The following LRRC7 variants were observed in gnomAD, a reference collection of about 807,000 sequenced individuals.
LRRC7 encodes the protein leucine-rich repeat-containing protein 7.
Under a neutral mutation model 175.7 loss-of-function variants are expected in LRRC7, and 23 were observed. The ratio of observed to expected loss-of-function variants is 0.13; its 90% CI spans 0.09 to 0.19. LRRC7 has a LOEUF of 0.19. Among genes scored for constraint, LRRC7 ranks in the 10% least tolerant of loss-of-function variants. The pLI, the probability that LRRC7 is intolerant of heterozygous loss-of-function variation, is 1.00. For synonymous variants in LRRC7, 685 were observed against 680.9 expected (o/e 1.01, Z -0.09); for missense variants, 1,354 against 1,904.7 (o/e 0.71, Z 5.38).
At chr1:69,810,240 G>T (rs965013888) in intron 4 of LRRC7, among the ~76,000 whole-genome samples, 1 of 152,084 alleles carries the variant, frequency 6.6e-6, no homozygotes, top group African/African-American at 2.4e-5. Context: ...TCTTCAAGGA[G>T]AACTACAAAC....
At chr1:69,614,837 A>C (rs1288290853) in intron 1 of LRRC7, among the ~76,000 whole-genome samples, 2 of 152,076 alleles carry the variant, frequency 1.3e-5, no homozygotes, top group Admixed American at 6.6e-5. Flanking sequence ...GACTGACTAG[A>C]AATAATTTGC....
intron 4 of LRRC7, among the ~76,000 whole-genome samples, chr1:69,824,944 T>C (rs1679735583): frequency 6.6e-6 from 1 of 152,226 alleles, no homozygotes; most frequent in South Asian, 2.1e-4. Flanking sequence ...TTGATCCATT[T>C]CTGTCAATTG....
chr1:70,039,826 T>C, intron 21 of LRRC7, 33 bp downstream of exon 21: 1 of 1,536,174 alleles, frequency 6.5e-7, no homozygotes, highest in East Asian at 2.3e-5. Flanking sequence ...AGAATATCCC[T>C]CCTGCCTTTA....
intron 8 of LRRC7, among the ~76,000 whole-genome samples, chr1:69,973,301 G>C (rs188937580): frequency 2.0e-5 from 3 of 151,952 alleles, no homozygotes; most frequent in Middle Eastern, 3.4e-3. Flanking sequence ...GGTAGGAAAA[G>C]GGTGAGAGAT....
At chr1:70,104,529 C>A (rs1325882437) in intron 25 of LRRC7, among the ~76,000 whole-genome samples, 1 of 152,088 alleles carries the variant, frequency 6.6e-6, no homozygotes, top group African/African-American at 2.4e-5. Context: ...AGTATGCTGG[C>A]TGATAGGATA....
chr1:69,998,086 G>C (rs922021070), intron 11 of LRRC7, among the ~76,000 whole-genome samples: 1 of 152,020 alleles, frequency 6.6e-6, no homozygotes, highest in Non-Finnish European at 1.5e-5. Flanking sequence ...AATTCTTACT[G>C]TAACAAATTT....
At chr1:70,012,775 G>A (rs929188782) in intron 12 of LRRC7, among the ~76,000 whole-genome samples, 199 bp from the exon 13 acceptor site, 119 of 150,724 alleles carry the variant, frequency 7.9e-4, no homozygotes, top group African/African-American at 2.8e-3. Flanking sequence ...AGAAAATTTG[G>A]TATAAATTCC....
In LRRC7 at chr1:70,082,791, T is replaced by C. The variant is rs1199608782; in HGVS notation, c.4452+6493T>C. The stretch of plus-strand genomic sequence containing the variant: ...TCTTGATACCAGTACATTTTTTTTT[T>C]TTTTTTTTTTTTTTTTTTTTTGAGA... On this transcript the variant is annotated intron_variant, in intron 24 of 26. Transcript: ENST00000651989. Among the ~76,000 whole-genome samples the C allele has an allele frequency of 2.1e-4, 22 of 102,542 alleles. 5 individuals are homozygous for C. The highest frequency in any genetic ancestry group is 8.8e-4 in the East Asian group (3 of 3,412). 67.3% of individuals were successfully genotyped at this position (102,542 alleles called of 152,430 possible). A position where few individuals can be genotyped will look rare whatever the true frequency, so the allele number is the denominator to read the frequency against.
At chr1:69,993,467 T>C (rs965092104) in intron 10 of LRRC7, among the ~76,000 whole-genome samples, 6 of 152,176 alleles carry the variant, frequency 3.9e-5, no homozygotes, top group Admixed American at 2.0e-4. Flanking sequence ...AATATGGGCA[T>C]GATCTATAGC....
chr1:69,854,056 T>C lies in LRRC7; in HGVS notation c.647+15773T>C, dbSNP rs555944660. Among the ~76,000 whole-genome samples, 5 of 152,342 alleles carry C rather than the reference T, an allele frequency of 3.3e-5. 1 individual carries two copies. In the East Asian group the frequency reaches 7.7e-4, roughly 23 times the overall value. On this transcript the variant is annotated intron_variant, in intron 7 of 26. Transcript: ENST00000651989. ...ATAGTTCCAACTGTGGCCTGTTTTT[T>C]AGTTGAGATCCTTGGATATATTTGA... is the stretch of plus-strand genomic sequence containing the variant.
At chr1:70,026,034 A>T (rs1042423556) in intron 17 of LRRC7, among the ~76,000 whole-genome samples, 2 of 152,136 alleles carry the variant, frequency 1.3e-5, no homozygotes, top group Non-Finnish European at 2.9e-5. Context: ...TTGCTTATAA[A>T]ATAACCAGAA....
At chr1:69,580,097 A>C (rs992446014) in intron 1 of LRRC7, among the ~76,000 whole-genome samples, 1 of 152,150 alleles carries the variant, frequency 6.6e-6, no homozygotes, top group Admixed American at 6.6e-5. Context: ...TGTGAGAAAG[A>C]AATAAAGGCA....
At chr1:70,059,561 C>T (rs947566409) in intron 23 of LRRC7, among the ~76,000 whole-genome samples, 1 of 150,792 alleles carries the variant, frequency 6.6e-6, no homozygotes, top group Non-Finnish European at 1.5e-5. Context: ...CCCACCCCCA[C>T]CCCAACCCCA....
At chr1:69,963,234 G>A (rs1651305314) in intron 8 of LRRC7, among the ~76,000 whole-genome samples, 2 of 151,602 alleles carry the variant, frequency 1.3e-5, no homozygotes, top group South Asian at 2.1e-4. Context: ...GAACCCAGGA[G>A]GCAGAGGTTG....
At chr1:70,117,079 G>A (rs1411790348) in intron 26 of LRRC7, among the ~76,000 whole-genome samples, 1 of 152,112 alleles carries the variant, frequency 6.6e-6, no homozygotes, top group Admixed American at 6.6e-5. Flanking sequence ...ATGTGTACTG[G>A]TCCTTTAAAA....
At chr1:69,797,588 G>A (rs570591960) in intron 4 of LRRC7, among the ~76,000 whole-genome samples, 217 of 152,030 alleles carry the variant, frequency 1.4e-3, no homozygotes, top group Non-Finnish European at 2.8e-3. Context: ...TAAATATATG[G>A]CAGGTCTTTT....
At chr1:70,056,340 C>A (rs975480431) in intron 23 of LRRC7, among the ~76,000 whole-genome samples, 23 of 152,150 alleles carry the variant, frequency 1.5e-4, no homozygotes, top group Middle Eastern at 6.8e-3. Context: ...ATCAATACAG[C>A]GATTTTACTG....
intron 5 of LRRC7, among the ~76,000 whole-genome samples, chr1:69,826,380 A>G (rs1245977747): frequency 6.6e-6 from 1 of 152,172 alleles, no homozygotes; most frequent in Non-Finnish European, 1.5e-5. Flanking sequence ...TTGTAGTCCA[A>G]GATCTGTTCA....
chr1:69,666,698 T>C (rs1658320911), intron 1 of LRRC7, among the ~76,000 whole-genome samples: 1 of 152,058 alleles, frequency 6.6e-6, no homozygotes, highest in South Asian at 2.1e-4. Context: ...TATTTGAGTC[T>C]TCTCCCCCTT....
Sources: gnomAD v4.1 joint callset for allele counts (sites outside exome capture counted in the v4.1 genomes callset) on GRCh38, gnomAD v4.1.1 for gene constraint, MANE v1.5 for transcripts, NCBI Gene and HGNC (gene_info 2026-07-23, HGNC 2026-07-21) for gene names.